The following CDCA7L variants were observed in gnomAD, a reference collection of about 807,000 sequenced individuals.
The protein encoded by CDCA7L is cell division cycle-associated 7-like protein.
Under a neutral mutation model 57.4 loss-of-function variants are expected in CDCA7L, and 44 were observed. The observed-to-expected ratio is 0.77, with a 90% CI of 0.60 to 0.98. The LOEUF is 0.98. Among genes scored for constraint, CDCA7L ranks in the 50% least tolerant of loss-of-function variants. The probability of loss-of-function intolerance (pLI) is 0.00; values close to 1 mark genes in which losing one functional copy is unlikely to be tolerated. For missense variants in CDCA7L, 644 were observed against 580.6 expected (o/e 1.11, Z -1.12); for synonymous variants, 236 against 202.8 (o/e 1.16, Z -1.39).
intron 1 of CDCA7L, among the ~76,000 whole-genome samples, chr7:21,917,423 A>G (rs1250050839): frequency 6.6e-6 from 1 of 152,220 alleles, no homozygotes; most frequent in Non-Finnish European, 1.5e-5. Context: ...GCTGGGGATT[A>G]ATTCTAACAG....
chr7:21,907,243 G>C (rs1276478150), intron 4 of CDCA7L, among the ~76,000 whole-genome samples: 1 of 152,100 alleles, frequency 6.6e-6, no homozygotes. Context: ...AAAGAAAATA[G>C]CTTATTTTAA....
At chr7:21,938,363 A>G (rs1252948270) in intron 1 of CDCA7L, among the ~76,000 whole-genome samples, 1 of 152,136 alleles carries the variant, frequency 6.6e-6, no homozygotes, top group Admixed American at 6.5e-5. Flanking sequence ...CTTTATGCAC[A>G]TTAGAATGGC....
chr7:21,937,180 G>A (rs545105933), intron 1 of CDCA7L, among the ~76,000 whole-genome samples: 45 of 152,322 alleles, frequency 3.0e-4, no homozygotes, highest in Non-Finnish European at 5.7e-4. Flanking sequence ...CATGTTCATG[G>A]ATTGGAAGGC....
chr7:21,920,992 A>G lies in CDCA7L; in HGVS notation c.25-4098T>C, dbSNP rs555684703. Among the ~76,000 whole-genome samples the G allele has an allele frequency of 7.2e-5, 11 of 152,310 alleles. No homozygotes were observed. The South Asian group carries it at 2.3e-3, about 32-fold the overall frequency. The stretch of plus-strand genomic sequence containing the variant: ...AGCTTCTTTTAACATAAATGGTTTA[A>G]AGGAGGAGGAGCACCCCATTTATGG... On this transcript the variant is annotated intron_variant, in intron 1 of 9. Transcript: ENST00000406877.
chr7:21,903,740 G>C (rs527255532), intron 8 of CDCA7L: 3 of 182,384 alleles, frequency 1.6e-5, no homozygotes, highest in African/African-American at 2.4e-5. Flanking sequence ...GGCACACAGA[G>C]AGCACTCTAT....
chr7:21,921,358 A>AAAAAAAAC (rs1554296942), intron 1 of CDCA7L, among the ~76,000 whole-genome samples: 3 of 150,806 alleles, frequency 2.0e-5, no homozygotes, highest in East Asian at 3.9e-4. Context: ...AAAAAAAAAA[A>AAAAAAAAC]CTGTAAAATA....
At chr7:21,932,084 A>G (rs1477122131) in intron 1 of CDCA7L, among the ~76,000 whole-genome samples, 1 of 152,198 alleles carries the variant, frequency 6.6e-6, no homozygotes, top group South Asian at 2.1e-4. Flanking sequence ...ACCTAGGAAT[A>G]CTACTTACAA....
Position 21,908,339 on chromosome 7 carries a change from C to G in CDCA7L, c.472G>C (p.Asp158His), listed in dbSNP as rs781136077. ...FPTKKLANKPDKNSSSEQLFS... is the reference protein window; with the variant it reads ...FPTKKLANKPHKNSSSEQLFS... Reference sequence around the variant, plus strand: ...AACTGCTCGGAAGAACTGTTTTTATCTGGTTTGTTGGCCAGCTTCTTGGTG... The same window carrying G: ...AACTGCTCGGAAGAACTGTTTTTATGTGGTTTGTTGGCCAGCTTCTTGGTG... Residue 158 changes from aspartate (D) to histidine (H), a missense_variant, in exon 4 of 10, where the codon GAT becomes CAT. Physicochemically the swap from Asp to His is moderately conservative, Grantham distance 81 (BLOSUM62 -1). Transcript: ENST00000406877. 1 of 1,609,696 alleles carries G rather than the reference C, an allele frequency of 6.2e-7. No individual in the cohort carries two copies. Among genetic ancestry groups the G allele is most frequent in the Admixed American group, 1.7e-5 (1 of 58,612 alleles).
rs373979891 is a variant in CDCA7L at position 21,916,892 on chromosome 7, G to A, written c.27C>T (p.Ile9=). 1.2e-6 allele frequency: 2 copies of A among 1,613,834 alleles called. No individual in the cohort carries two copies. Among genetic ancestry groups the A allele is most frequent in the African/African-American group, 1.3e-5 (1 of 74,866 alleles). The change falls in exon 2 of 10, where the codon ATC becomes ATT. Residue 9 remains isoleucine, a splice_region_variant and synonymous_variant. Transcript: ENST00000406877. Reference sequence around the variant, plus strand: ...TAAAGATGTCAGCCACTTCTTTAGGGATCTGTTTTGGATTCAAAAGAGGCA... The same window carrying A: ...TAAAGATGTCAGCCACTTCTTTAGGAATCTGTTTTGGATTCAAAAGAGGCA... MELATRYQ[I]PKEVADIFNA... is the part of the protein sequence containing the mutation.
chr7:21,935,923 G>A (rs939159242), intron 1 of CDCA7L, among the ~76,000 whole-genome samples: 8 of 152,048 alleles, frequency 5.3e-5, no homozygotes, highest in Non-Finnish European at 2.9e-5. Context: ...ACAGAGAACT[G>A]CTTGAACCCA....
intron 1 of CDCA7L, among the ~76,000 whole-genome samples, chr7:21,943,660 AG>A (rs548550188): frequency 8.3e-4 from 126 of 152,306 alleles, no homozygotes; most frequent in Middle Eastern, 3.4e-3. Flanking sequence ...TACGATGAAC[AG>A]GAACATTTCC....
chr7:21,941,626 C>T (rs930789989), intron 1 of CDCA7L, among the ~76,000 whole-genome samples: 1 of 152,204 alleles, frequency 6.6e-6, no homozygotes, highest in Non-Finnish European at 1.5e-5. Flanking sequence ...AGACTAGCTG[C>T]TGTTAACACT....
rs1384085463 is a variant in CDCA7L at position 21,901,706 on chromosome 7, G to A, written c.*616C>T. 1 of 155,878 alleles carries A rather than the reference G, an allele frequency of 6.4e-6. No individual in the cohort carries two copies. Among genetic ancestry groups the A allele is most frequent in the Non-Finnish European group, 1.4e-5 (1 of 70,350 alleles). 9.7% of individuals were successfully genotyped at this position (155,878 alleles called of 1,614,324 possible). On this transcript the variant is annotated 3_prime_UTR_variant, in exon 10 of 10. Transcript: ENST00000406877. ...CCTTAAACTCTTTCAAAATATAAAAGCAGCAGGCCCCAGGTGAGTCCTGAA... is the reference window on the plus strand; with the variant it reads ...CCTTAAACTCTTTCAAAATATAAAAACAGCAGGCCCCAGGTGAGTCCTGAA...
At chr7:21,904,432 C>A (rs1352980172) in intron 7 of CDCA7L, among the ~76,000 whole-genome samples, 173 bp from the exon 8 acceptor site, 3 of 152,186 alleles carry the variant, frequency 2.0e-5, no homozygotes, top group Non-Finnish European at 4.4e-5. Flanking sequence ...GGTCCCCAGC[C>A]CCCAGGCTAG....
At chr7:21,906,696 A>C in intron 4 of CDCA7L, 57 bp from the exon 5 acceptor site, 3 of 1,513,190 alleles carry the variant, frequency 2.0e-6, no homozygotes, top group Non-Finnish European at 2.8e-6. Context: ...GGTTTAGGTC[A>C]TCCAACACCT....
At position 21,917,246 on chromosome 7, in the gene CDCA7L, A is replaced by G. The variant is rs149004008; in HGVS notation, c.25-352T>C. Among the ~76,000 whole-genome samples the G allele has an allele frequency of 5.9e-3, 894 of 152,334 alleles. 5 individuals carry two copies. The highest frequency in any genetic ancestry group is 9.5e-3 in the Admixed American group (145 of 15,302). ...TACAGTGGATGCATCTTTAAATGTC[A>G]TCTACATAAAAAAGATGCCATAAAA... is the stretch of plus-strand genomic sequence containing the variant. On this transcript the variant is annotated intron_variant, in intron 1 of 9. Coordinates refer to ENST00000406877, the MANE Select transcript of CDCA7L (RefSeq NM_018719.5).
chr7:21,921,624 A>C (rs1369593373), intron 1 of CDCA7L, among the ~76,000 whole-genome samples: 1 of 148,280 alleles, frequency 6.7e-6, no homozygotes, highest in Non-Finnish European at 1.5e-5. Context: ...TTTGTGTTCC[A>C]TTCTATTACA....
At chr7:21,905,160 T>C (rs1785099068) in intron 7 of CDCA7L, among the ~76,000 whole-genome samples, 1 of 152,220 alleles carries the variant, frequency 6.6e-6, no homozygotes, top group Admixed American at 6.5e-5. Context: ...CAAACTTTAA[T>C]TTCTATGGTT....
rs763086217 is a variant in CDCA7L at position 21,903,123 on chromosome 7, G to A, written c.1198-9C>T. On this transcript the variant is annotated splice_polypyrimidine_tract_variant and intron_variant, in intron 8 of 9. Transcript: ENST00000406877. The stretch of plus-strand genomic sequence containing the variant: ...GGGGGACACACCCAATCCTAACAGA[G>A]AGATGACAGCAGACACTTCGCTCAT... 2 of 1,612,186 alleles carry A rather than the reference G, an allele frequency of 1.2e-6. No homozygotes were observed. The highest frequency in any genetic ancestry group is 1.7e-6 in the Non-Finnish European group (2 of 1,179,410).
Sources: allele counts gnomAD v4.1 joint callset (sites outside exome capture counted in the v4.1 genomes callset), GRCh38; gene constraint gnomAD v4.1.1; transcripts MANE v1.5; gene names NCBI Gene and HGNC (gene_info 2026-07-23, HGNC 2026-07-21).